RAB11FIP4: variants seen among roughly 807,000 people sequenced by gnomAD.
RAB11FIP4 encodes rab11 family-interacting protein 4.
In RAB11FIP4, 23 loss-of-function variants were observed where a neutral mutation model predicts 74.3. The observed-to-expected ratio is 0.31, with a 90% CI of 0.22 to 0.44. RAB11FIP4 has a LOEUF of 0.44. Among genes scored for constraint, RAB11FIP4 ranks in the 20% least tolerant of loss-of-function variants. The pLI, the probability that RAB11FIP4 is intolerant of heterozygous loss-of-function variation, is 1.00. For missense variants in RAB11FIP4, 630 were observed against 863.9 expected (o/e 0.73, Z 3.39); for synonymous variants, 360 against 359.9 (o/e 1.00, Z 0.00).
In RAB11FIP4 at chr17:31,523,885, T is replaced by C; in HGVS notation, c.1030-8T>C. 50 of 1,176,828 alleles carry C rather than the reference T, an allele frequency of 4.2e-5. No individual in the cohort carries two copies. The highest frequency in any genetic ancestry group is 5.2e-5 in the Non-Finnish European group (41 of 786,550). 72.9% of individuals were successfully genotyped at this position (1,176,828 alleles called of 1,614,324 possible). A position where few individuals can be genotyped will look rare whatever the true frequency, so the allele number is the denominator to read the frequency against. On this transcript the variant is annotated splice_region_variant and splice_polypyrimidine_tract_variant and intron_variant, in intron 8 of 14. Transcript: ENST00000621161. The stretch of plus-strand genomic sequence containing the variant: ...TCTTCTCCACCCCACCCCGGCCCCC[T>C]GCTGCAGGTAAGCTTCCTGGAAAAG...
At chr17:31,529,648 G>A (rs1252788549) in intron 13 of RAB11FIP4, among the ~76,000 whole-genome samples, 1 of 152,230 alleles carries the variant, frequency 6.6e-6, no homozygotes, top group Non-Finnish European at 1.5e-5. Context: ...CAGTGGCCAG[G>A]TGGTGCTGGG....
intron 3 of RAB11FIP4, among the ~76,000 whole-genome samples, chr17:31,489,019 A>G (rs1018296340): frequency 6.6e-6 from 1 of 151,090 alleles, no homozygotes; most frequent in Non-Finnish European, 1.5e-5. Flanking sequence ...CTTTTCCCTC[A>G]CCCTGCTCTC....
intron 10 of RAB11FIP4, chr17:31,526,648 T>C (rs966971391): frequency 5.3e-5 from 8 of 152,348 alleles, no homozygotes; most frequent in African/African-American, 1.9e-4. Flanking sequence ...TCTCAGACCA[T>C]TTAAAACTGA....
At chr17:31,402,815 C>G (rs975843274) in intron 1 of RAB11FIP4, among the ~76,000 whole-genome samples, 5 of 151,180 alleles carry the variant, frequency 3.3e-5, no homozygotes, top group Non-Finnish European at 5.9e-5. Flanking sequence ...TTAGTAGAGA[C>G]GGGGTTTCAC....
intron 3 of RAB11FIP4, among the ~76,000 whole-genome samples, chr17:31,463,679 A>AT (rs995225022): frequency 2.7e-5 from 4 of 150,816 alleles, no homozygotes; most frequent in Admixed American, 2.0e-4. Context: ...AATTTTTTGT[A>AT]TTTTTAGTAG....
At chr17:31,458,285 C>T (rs1187817026) in intron 3 of RAB11FIP4, among the ~76,000 whole-genome samples, 3 of 152,186 alleles carry the variant, frequency 2.0e-5, no homozygotes, top group African/African-American at 4.8e-5. Flanking sequence ...CCAGAGGACT[C>T]CTTTGAGGAG....
intron 3 of RAB11FIP4, among the ~76,000 whole-genome samples, chr17:31,457,501 C>G (rs1056083698): frequency 1.3e-5 from 2 of 152,118 alleles, no homozygotes; most frequent in Admixed American, 6.5e-5. Context: ...TCACCCCACC[C>G]CAGTCCCCCC....
At chr17:31,410,289 G>A (rs148645905) in intron 1 of RAB11FIP4, among the ~76,000 whole-genome samples, 113 of 152,288 alleles carry the variant, frequency 7.4e-4, no homozygotes, top group African/African-American at 2.6e-3. Flanking sequence ...CACTGGGATT[G>A]TGCGCTTGCT....
intron 10 of RAB11FIP4, 156 bp downstream of exon 10, chr17:31,525,386 C>G: frequency 1.4e-6 from 1 of 702,558 alleles, no homozygotes; most frequent in East Asian, 2.8e-5. Flanking sequence ...TTTAATACCA[C>G]GAGAAACACA....
chr17:31,508,912 A>G (rs1187263963), intron 3 of RAB11FIP4, among the ~76,000 whole-genome samples: 1 of 152,136 alleles, frequency 6.6e-6, no homozygotes, highest in African/African-American at 2.4e-5. Context: ...ACAGCTCAAG[A>G]GTTGTGATGA....
chr17:31,399,900 G>A (rs886406081), intron 1 of RAB11FIP4, among the ~76,000 whole-genome samples: 2 of 151,592 alleles, frequency 1.3e-5, no homozygotes, highest in African/African-American at 2.4e-5. Context: ...AGAATTAGCC[G>A]GGCGTGATGA....
intron 3 of RAB11FIP4, among the ~76,000 whole-genome samples, chr17:31,453,464 G>A (rs2071546190): frequency 6.7e-6 from 1 of 150,158 alleles, no homozygotes; most frequent in African/African-American, 2.5e-5. Context: ...CTTGGGCCAC[G>A]CCGAACAAGG....
intron 1 of RAB11FIP4, among the ~76,000 whole-genome samples, chr17:31,416,923 G>A (rs1038244081): frequency 6.6e-6 from 1 of 152,106 alleles, no homozygotes; most frequent in Admixed American, 6.5e-5. Flanking sequence ...CCCATATTCA[G>A]GATAAAGCAC....
At chr17:31,478,515 G>C (rs959677731) in intron 3 of RAB11FIP4, among the ~76,000 whole-genome samples, 2 of 152,152 alleles carry the variant, frequency 1.3e-5, no homozygotes, top group African/African-American at 4.8e-5. Flanking sequence ...ATCTTCAAGA[G>C]GGAGTGAAGA....
intron 3 of RAB11FIP4, among the ~76,000 whole-genome samples, chr17:31,455,696 C>G (rs2071572960): frequency 6.6e-6 from 1 of 152,130 alleles, no homozygotes; most frequent in Non-Finnish European, 1.5e-5. Flanking sequence ...TATTTCAAAA[C>G]AACTGCCTTA....
Position 31,453,355 on chromosome 17 carries a change from C to CAAAAAAAAAAA in RAB11FIP4, c.336+19248_336+19258dup, listed in dbSNP as rs747844559. 3.2e-3 allele frequency among the ~76,000 whole-genome samples: 231 copies of CAAAAAAAAAAA among 71,792 alleles called. 4 individuals carry two copies. The highest frequency in any genetic ancestry group is 0.013 in the African/African-American group (222 of 16,948). The allele number at this position is 71,792 out of a possible 152,430, so 47.1% of individuals were successfully genotyped here. On this transcript the variant is annotated intron_variant, in intron 3 of 14. Coordinates refer to ENST00000621161, the MANE Select transcript of RAB11FIP4 (RefSeq NM_032932.6). ...TGTACCATAGAGAGAGACCCTACCT[C>CAAAAAAAAAAA]AAAAAAAAAAAAAAAAAAAAAAAAA...
chr17:31,488,300 C>G, intron 3 of RAB11FIP4: 7 of 1,174,148 alleles, frequency 6.0e-6, no homozygotes, highest in Non-Finnish European at 7.4e-6. Flanking sequence ...GGCTGGCGCT[C>G]GCAGGGCTCC....
At chr17:31,523,304 C>T in intron 7 of RAB11FIP4, 1 of 593,558 alleles carries the variant, frequency 1.7e-6, no homozygotes, top group Non-Finnish European at 3.0e-6. Flanking sequence ...GCCAGGGGAC[C>T]CCGGGGGTCT....
At position 31,528,626 on chromosome 17, in the gene RAB11FIP4, G is replaced by A. The variant is rs143263246; in HGVS notation, c.1501G>A (p.Glu501Lys). The change falls in exon 13 of 15, where the codon GAG (glutamate) becomes AAG (lysine). Residue 501 changes from glutamate to lysine, a missense_variant. Coordinates refer to ENST00000621161, the MANE Select transcript of RAB11FIP4 (RefSeq NM_032932.6). ...KEREATQELI[E>K]DLRKELEHLQ... ...CTGCTTCTCTCCCTCGCAGCTCATCGAGGACTTGCGGAAGGAGCTGGAGCA... is the reference window on the plus strand; with the variant it reads ...CTGCTTCTCTCCCTCGCAGCTCATCAAGGACTTGCGGAAGGAGCTGGAGCA... 3.6e-4 allele frequency: 584 copies of A among 1,613,512 alleles called. 2 individuals are homozygous for A. Among genetic ancestry groups the A allele is most frequent in the Admixed American group, 3.3e-4 (20 of 60,010 alleles).
Sources: allele counts gnomAD v4.1 joint callset (sites outside exome capture counted in the v4.1 genomes callset), GRCh38; gene constraint gnomAD v4.1.1; transcripts MANE v1.5; gene names NCBI Gene and HGNC (gene_info 2026-07-23, HGNC 2026-07-21).